Variants in LRRC7 observed in about 807,000 individuals in gnomAD.
The protein encoded by LRRC7 is leucine-rich repeat-containing protein 7.
In LRRC7, 23 loss-of-function variants were observed where a neutral mutation model predicts 175.7. The ratio of observed to expected loss-of-function variants is 0.13; its 90% CI spans 0.09 to 0.19. LRRC7 has a LOEUF of 0.19. LRRC7 is among the 10% of genes least tolerant of loss of function. The probability of loss-of-function intolerance (pLI) is 1.00; values close to 1 mark genes in which losing one functional copy is unlikely to be tolerated. For missense variants in LRRC7, 1,354 were observed against 1,904.7 expected (o/e 0.71, Z 5.38); for synonymous variants, 685 against 680.9 (o/e 1.01, Z -0.09).
At chr1:69,994,307 A>G (rs896683551) in intron 10 of LRRC7, among the ~76,000 whole-genome samples, 1 of 152,156 alleles carries the variant, frequency 6.6e-6, no homozygotes, top group Non-Finnish European at 1.5e-5. Flanking sequence ...ACTGGGGTGT[A>G]TGTGGAGCTG....
chr1:69,854,712 A>T (rs1683388703), intron 7 of LRRC7, among the ~76,000 whole-genome samples: 1 of 152,222 alleles, frequency 6.6e-6, no homozygotes, highest in Non-Finnish European at 1.5e-5. Flanking sequence ...CTGTTAGATG[A>T]GCTGTTCCAA....
intron 1 of LRRC7, among the ~76,000 whole-genome samples, chr1:69,677,520 T>C (rs1355975124): frequency 6.6e-6 from 1 of 151,968 alleles, no homozygotes; most frequent in African/African-American, 2.4e-5. Context: ...GTATACTAGT[T>C]TACATTCCCA....
chr1:69,667,927 CT>C (rs2100560116), intron 1 of LRRC7, among the ~76,000 whole-genome samples: 1 of 152,144 alleles, frequency 6.6e-6, no homozygotes, highest in Non-Finnish European at 1.5e-5. Context: ...GTAATTTTCT[CT>C]GGTGATATTA....
chr1:69,710,278 CAAAA>C (rs77553066), intron 2 of LRRC7, among the ~76,000 whole-genome samples: 1 of 87,214 alleles, frequency 1.1e-5, no homozygotes, highest in Non-Finnish European at 2.2e-5. Flanking sequence ...GACTCCGTCT[CAAAA>C]AAAAAAAAAA....
intron 7 of LRRC7, among the ~76,000 whole-genome samples, chr1:69,857,803 G>A (rs958493285): frequency 5.9e-5 from 9 of 152,116 alleles, no homozygotes; most frequent in African/African-American, 2.2e-4. Flanking sequence ...ACATTGCCAA[G>A]ACAATCCTAA....
chr1:69,718,962 T>A (rs931917127), intron 2 of LRRC7, among the ~76,000 whole-genome samples: 4 of 151,890 alleles, frequency 2.6e-5, no homozygotes, highest in Admixed American at 2.6e-4. Flanking sequence ...TTATTCTTCA[T>A]CTCTTTCCTA....
At chr1:69,604,036 C>T (rs953513180) in intron 1 of LRRC7, among the ~76,000 whole-genome samples, 40 of 151,648 alleles carry the variant, frequency 2.6e-4, no homozygotes, top group Non-Finnish European at 1.5e-4. Context: ...TATAAAATTG[C>T]TTTTTTTTAC....
chr1:69,614,537 C>A (rs72936541), intron 1 of LRRC7, among the ~76,000 whole-genome samples: 1 of 151,956 alleles, frequency 6.6e-6, no homozygotes, highest in African/African-American at 2.4e-5. Flanking sequence ...TTTGCCCTGG[C>A]CTCTGAGGCA....
At chr1:69,994,247 G>C (rs1258957452) in intron 10 of LRRC7, among the ~76,000 whole-genome samples, 2 of 152,076 alleles carry the variant, frequency 1.3e-5, no homozygotes, top group African/African-American at 4.8e-5. Context: ...AATTTCAACT[G>C]GTCCATTTGC....
At chr1:69,679,379 T>C (rs927070477) in intron 2 of LRRC7, among the ~76,000 whole-genome samples, 1 of 152,082 alleles carries the variant, frequency 6.6e-6, no homozygotes, top group African/African-American at 2.4e-5. Flanking sequence ...TAAATTAGTT[T>C]GAAGTATACT....
chr1:69,637,979 G>C (rs1020692413), intron 1 of LRRC7, among the ~76,000 whole-genome samples: 31 of 151,938 alleles, frequency 2.0e-4, no homozygotes, highest in African/African-American at 6.7e-4. Context: ...TTTGCAAAGA[G>C]AGAGAAAGGG....
intron 4 of LRRC7, among the ~76,000 whole-genome samples, chr1:69,810,342 A>C (rs1253536740): frequency 6.6e-6 from 1 of 152,200 alleles, no homozygotes. Context: ...AAATGACCAT[A>C]CTGCCCAAAG....
At chr1:70,106,975 G>T (rs556964742) in intron 25 of LRRC7, among the ~76,000 whole-genome samples, 1 of 152,106 alleles carries the variant, frequency 6.6e-6, no homozygotes, top group African/African-American at 2.4e-5. Context: ...TATAATTATT[G>T]GTTTTCTTGA....
At chr1:69,816,126 C>T (rs910673752) in intron 4 of LRRC7, among the ~76,000 whole-genome samples, 1 of 151,976 alleles carries the variant, frequency 6.6e-6, no homozygotes, top group Non-Finnish European at 1.5e-5. Flanking sequence ...TAGAGGTGCC[C>T]GCCCTCACAC....
rs891936899 is a variant in LRRC7, at chr1:70,143,658, CTT to C, written c.*21772_*21773del. The C allele has an allele frequency of 2.0e-5, 3 of 152,072 alleles. No individual in the cohort carries two copies. Among genetic ancestry groups the C allele is most frequent in the African/African-American group, 7.2e-5 (3 of 41,412 alleles). The allele number at this position is 152,072 out of a possible 1,614,324, so 9.4% of individuals were successfully genotyped here. ...GGGTGGGAGGGGGCAGGAAACACCT[CTT>C]CACATTTAAGGTTTTCTACTTGGGT... On this transcript the variant is annotated 3_prime_UTR_variant, in exon 27 of 27. Transcript: ENST00000651989.
chr1:70,128,888 T>C lies in LRRC7; in HGVS notation c.*7001T>C, dbSNP rs7547666. 1 of 151,926 alleles carries C rather than the reference T, an allele frequency of 6.6e-6. No homozygotes were observed. Among genetic ancestry groups the C allele is most frequent in the Non-Finnish European group, 1.5e-5 (1 of 67,996 alleles). 9.4% of individuals were successfully genotyped at this position (151,926 alleles called of 1,614,324 possible). Reference sequence around the variant, plus strand: ...ATCTGTTTCAGTTTGAGCATGGTTTTTTCCATTTGGAGCTACAGATAGGTC... The same window carrying C: ...ATCTGTTTCAGTTTGAGCATGGTTTCTTCCATTTGGAGCTACAGATAGGTC... On this transcript the variant is annotated 3_prime_UTR_variant, in exon 27 of 27. Transcript: ENST00000651989.
intron 7 of LRRC7, among the ~76,000 whole-genome samples, chr1:69,924,153 T>A (rs1385420685): frequency 6.6e-6 from 1 of 152,146 alleles, no homozygotes; most frequent in East Asian, 1.9e-4. Context: ...TTCTGTTCCA[T>A]TGATCTATAT....
intron 4 of LRRC7, among the ~76,000 whole-genome samples, chr1:69,811,755 C>T (rs1284768501): frequency 6.6e-6 from 1 of 151,936 alleles, no homozygotes; most frequent in Non-Finnish European, 1.5e-5. Context: ...GAACATCACA[C>T]ACAGGGGCCT....
At chr1:69,596,642 T>C (rs1646858648) in intron 1 of LRRC7, among the ~76,000 whole-genome samples, 1 of 152,218 alleles carries the variant, frequency 6.6e-6, no homozygotes, top group South Asian at 2.1e-4. Context: ...AGTCAATCAT[T>C]TGAATATTGG....
Sources: allele counts gnomAD v4.1 joint callset (sites outside exome capture counted in the v4.1 genomes callset), GRCh38; gene constraint gnomAD v4.1.1; transcripts MANE v1.5; gene names NCBI Gene and HGNC (gene_info 2026-07-23, HGNC 2026-07-21).